The following CNTNAP5 variants were observed in gnomAD, a reference collection of about 807,000 sequenced individuals.
CNTNAP5 encodes the protein contactin associated protein family member 5.
Under a neutral mutation model 150.2 loss-of-function variants are expected in CNTNAP5, and 72 were observed. The ratio of observed to expected loss-of-function variants is 0.48; its 90% CI spans 0.40 to 0.58. The LOEUF (loss-of-function observed/expected upper bound fraction) is 0.58. Among genes scored for constraint, CNTNAP5 ranks in the 20% least tolerant of loss-of-function variants. The pLI, the probability that CNTNAP5 is intolerant of heterozygous loss-of-function variation, is 0.00. For synonymous variants in CNTNAP5, 672 were observed against 619.8 expected, an observed-to-expected ratio of 1.08 and a Z score of -1.25; for missense variants, 1,636 against 1,626.2, an observed-to-expected ratio of 1.01 and a Z score of -0.10.
At chr2:124,612,636 T>C (rs1342478163) in intron 12 of CNTNAP5, among the ~76,000 whole-genome samples, 2 of 152,198 alleles carry the variant, frequency 1.3e-5, no homozygotes, top group African/African-American at 2.4e-5. Flanking sequence ...AGCCTCTGAA[T>C]TGTGTCCCGA....
chr2:124,602,338 CAAAA>C (rs35316532), intron 11 of CNTNAP5, among the ~76,000 whole-genome samples: 3,315 of 89,768 alleles, frequency 0.037, 47 homozygotes, highest in African/African-American at 0.056. Context: ...AAGACTTCAC[CAAAA>C]AAAAAAAAAA....
At chr2:124,862,047 C>A (rs990305710) in intron 19 of CNTNAP5, among the ~76,000 whole-genome samples, 2 of 152,280 alleles carry the variant, frequency 1.3e-5, no homozygotes, top group Non-Finnish European at 2.9e-5. Flanking sequence ...CTCCTGACCT[C>A]AGGTGATCTG....
chr2:124,872,387 T>G (rs916294563), intron 21 of CNTNAP5, among the ~76,000 whole-genome samples: 12 of 148,402 alleles, frequency 8.1e-5, no homozygotes, highest in Non-Finnish European at 1.5e-4. Flanking sequence ...TGTGTGTGTG[T>G]GTGTGTGTGT....
At chr2:124,882,756 A>C (rs1247594153) in intron 21 of CNTNAP5, among the ~76,000 whole-genome samples, 1 of 152,052 alleles carries the variant, frequency 6.6e-6, no homozygotes, top group Non-Finnish European at 1.5e-5. Context: ...GTAATTTATA[A>C]AGAAAAAGAG....
chr2:124,909,275 T>C (rs1444259003), intron 22 of CNTNAP5, among the ~76,000 whole-genome samples: 1 of 152,156 alleles, frequency 6.6e-6, no homozygotes, highest in Non-Finnish European at 1.5e-5. Flanking sequence ...GGTACACATA[T>C]ACTCACAAAT....
In CNTNAP5 at chr2:124,592,541, G is replaced by GA. The variant is rs542502470; in HGVS notation, c.1757-17251dup. On this transcript the variant is annotated intron_variant, in intron 11 of 23. Transcript: ENST00000682447. ...AAAACATGTCTGACCTTGCTTATAG[G>GA]AAAAAAAAATGCTAAAGAAAATGAC... Among the ~76,000 whole-genome samples, 302 of 145,440 alleles carry GA rather than the reference G, an allele frequency of 2.1e-3. 2 individuals carry two copies. The highest frequency in any genetic ancestry group is 6.7e-3 in the African/African-American group (263 of 39,500).
At chr2:124,179,767 C>A (rs1685165548) in intron 1 of CNTNAP5, among the ~76,000 whole-genome samples, 1 of 152,102 alleles carries the variant, frequency 6.6e-6, no homozygotes, top group African/African-American at 2.4e-5. Context: ...AAATCCTAAC[C>A]CTGTAGCTTT....
intron 7 of CNTNAP5, among the ~76,000 whole-genome samples, chr2:124,489,270 G>A (rs1045509041): frequency 2.0e-5 from 3 of 152,266 alleles, no homozygotes; most frequent in Admixed American, 2.0e-4. Context: ...CCACAGTTCT[G>A]GAAGCTGGAA....
chr2:124,467,501 A>T (rs919183489), intron 6 of CNTNAP5, among the ~76,000 whole-genome samples: 3 of 152,198 alleles, frequency 2.0e-5, no homozygotes, highest in Non-Finnish European at 4.4e-5. Context: ...GAAACAGCTT[A>T]GAGGAAGATT....
At chr2:124,814,343 C>A (rs1682303979) in intron 19 of CNTNAP5, among the ~76,000 whole-genome samples, 1 of 151,940 alleles carries the variant, frequency 6.6e-6, no homozygotes, top group East Asian at 1.9e-4. Context: ...TTCCTGGTCC[C>A]CTCCCAAAGA....
intron 1 of CNTNAP5, among the ~76,000 whole-genome samples, chr2:124,070,125 T>A (rs1186430138): frequency 6.6e-6 from 1 of 152,024 alleles, no homozygotes; most frequent in Admixed American, 6.6e-5. Flanking sequence ...TTTAAAATCA[T>A]GGATTACAAG....
At chr2:124,357,881 T>C (rs1690063156) in intron 3 of CNTNAP5, among the ~76,000 whole-genome samples, 1 of 151,152 alleles carries the variant, frequency 6.6e-6, no homozygotes, top group Non-Finnish European at 1.5e-5. Context: ...GCATTGAATC[T>C]GTAAATTACC....
At chr2:124,070,324 A>G (rs1214338927) in intron 1 of CNTNAP5, among the ~76,000 whole-genome samples, 1 of 150,844 alleles carries the variant, frequency 6.6e-6, no homozygotes, top group East Asian at 2.0e-4. Flanking sequence ...GTAAGTCCTC[A>G]CTTATCAATA....
chr2:124,844,782 C>T (rs974614948), intron 19 of CNTNAP5, among the ~76,000 whole-genome samples: 8 of 151,930 alleles, frequency 5.3e-5, no homozygotes, highest in African/African-American at 1.9e-4. Flanking sequence ...TGTTGGTCTA[C>T]AGCAGAGTAG....
At chr2:124,767,863 C>A (rs185953866) in intron 16 of CNTNAP5, among the ~76,000 whole-genome samples, 1 of 152,158 alleles carries the variant, frequency 6.6e-6, no homozygotes, top group Non-Finnish European at 1.5e-5. Flanking sequence ...ATGTCTACTT[C>A]GGTCTAAGGC....
chr2:124,738,455 G>A (rs762556935), intron 13 of CNTNAP5, among the ~76,000 whole-genome samples: 13 of 152,030 alleles, frequency 8.6e-5, no homozygotes, highest in Non-Finnish European at 1.5e-4. Context: ...AAGGTCTGCC[G>A]GGCAAGGTGG....
At chr2:124,328,358 C>T (rs1160513241) in intron 3 of CNTNAP5, among the ~76,000 whole-genome samples, 2 of 152,140 alleles carry the variant, frequency 1.3e-5, no homozygotes, top group Admixed American at 6.5e-5. Context: ...TCGTAGCTAA[C>T]CTTGCTCACA....
intron 3 of CNTNAP5, among the ~76,000 whole-genome samples, chr2:124,270,373 C>T (rs1687716758): frequency 2.0e-5 from 3 of 152,120 alleles, no homozygotes. Context: ...TCATAGGGAG[C>T]TTAGCAGTGA....
intron 11 of CNTNAP5, among the ~76,000 whole-genome samples, chr2:124,572,763 C>T (rs1319920760): frequency 6.6e-6 from 1 of 152,198 alleles, no homozygotes; most frequent in African/African-American, 2.4e-5. Context: ...GCTCTTCAAA[C>T]AACTAGACCT....
Sources: gnomAD v4.1 joint callset for allele counts (sites outside exome capture counted in the v4.1 genomes callset) on GRCh38, gnomAD v4.1.1 for gene constraint, MANE v1.5 for transcripts, NCBI Gene and HGNC (gene_info 2026-07-23, HGNC 2026-07-21) for gene names.